Variants in TG observed in about 807,000 individuals in gnomAD.
TG encodes thyroglobulin, also known as thyroid hormones.
TG carries 270 observed loss-of-function variants against 324.7 expected under a neutral mutation model. That is an observed-to-expected ratio of 0.83 (90% CI 0.75 to 0.92). The LOEUF is 0.92. Ranked by LOEUF, TG falls within the 40% of genes least tolerant of loss-of-function variation. The probability of loss-of-function intolerance (pLI) is 0.00; values close to 1 mark genes in which losing one functional copy is unlikely to be tolerated. For synonymous variants in TG, 1,401 were observed against 1,327.0 expected (o/e 1.06, Z -1.21); for missense variants, 3,591 against 3,456.4 (o/e 1.04, Z -0.98).
intron 41 of TG, among the ~76,000 whole-genome samples, chr8:133,058,617 T>A (rs1841888652): frequency 1.3e-5 from 2 of 152,154 alleles, no homozygotes; most frequent in Admixed American, 1.3e-4. Context: ...GCAGTGGTTA[T>A]GACCAGAGGA....
intron 16 of TG, among the ~76,000 whole-genome samples, chr8:132,902,232 CT>C (rs1230794211): frequency 1.3e-5 from 2 of 152,122 alleles, no homozygotes; most frequent in Non-Finnish European, 2.9e-5. Flanking sequence ...TTGCAAAATA[CT>C]GTGCTAAATG....
chr8:133,125,193 A>G (rs531777866), intron 45 of TG, among the ~76,000 whole-genome samples: 13 of 152,360 alleles, frequency 8.5e-5, no homozygotes, highest in African/African-American at 3.1e-4. Context: ...CCTTCTTGGG[A>G]CAAAGACTAT....
intron 18 of TG, among the ~76,000 whole-genome samples, chr8:132,908,789 C>T (rs569942339): frequency 6.6e-5 from 10 of 152,120 alleles, no homozygotes; most frequent in South Asian, 6.2e-4. Flanking sequence ...TTGAGAGGGA[C>T]GCTGGTGAGA....
intron 39 of TG, among the ~76,000 whole-genome samples, chr8:133,020,043 T>A (rs888905300): frequency 1.3e-5 from 2 of 152,220 alleles, no homozygotes; most frequent in Admixed American, 1.3e-4. Flanking sequence ...ATAAATCGAT[T>A]AGTCAATCAA....
chr8:132,958,789 A>G (rs536362861), intron 27 of TG, among the ~76,000 whole-genome samples: 1 of 152,328 alleles, frequency 6.6e-6, no homozygotes, highest in East Asian at 1.9e-4. Flanking sequence ...GCTTTGAAAT[A>G]AGCAAATGAT....
At chr8:132,897,815 C>G (rs903037646) in intron 12 of TG, 29 bp downstream of exon 12, 7 of 1,613,348 alleles carry the variant, frequency 4.3e-6, no homozygotes, top group Non-Finnish European at 5.1e-6. Flanking sequence ...CTTCAGGTGG[C>G]CAAGTGACAC....
In TG at chr8:133,094,248, T is replaced by C. The variant is rs182505547; in HGVS notation, c.7240-796T>C. Among the ~76,000 whole-genome samples, 11 of 150,354 alleles carry C rather than the reference T, an allele frequency of 7.3e-5. No individual in the cohort carries two copies. In the East Asian group the frequency reaches 1.4e-3, roughly 19 times the overall value. On this transcript the variant is annotated intron_variant, in intron 41 of 47. Transcript: ENST00000220616. Reference sequence around the variant, plus strand: ...AGAAGAAACCTGTCGTTTTCTTTTTTTTTTTTTTTTTTGATGGAGTCTTGC... The same window carrying C: ...AGAAGAAACCTGTCGTTTTCTTTTTCTTTTTTTTTTTTGATGGAGTCTTGC...
Position 132,989,317 on chromosome 8 carries a change from C to G in TG, c.6262+5905C>G, listed in dbSNP as rs116064403. Among the ~76,000 whole-genome samples, 269 of 152,332 alleles carry G rather than the reference C, an allele frequency of 1.8e-3. 2 individuals are homozygous for G. Among genetic ancestry groups the G allele is most frequent in the African/African-American group, 6.3e-3 (260 of 41,580 alleles). ...TTTGGATTGAAAGCCAGGGTAAACACAGAATATTTAGGATTTTGTCCTCTC... is the reference window on the plus strand; with the variant it reads ...TTTGGATTGAAAGCCAGGGTAAACAGAGAATATTTAGGATTTTGTCCTCTC... On this transcript the variant is annotated intron_variant, in intron 35 of 47. Transcript: ENST00000220616.
intron 41 of TG, chr8:133,050,028 A>G: frequency 7.6e-7 from 1 of 1,318,246 alleles, no homozygotes; most frequent in Non-Finnish European, 1.1e-6. Context: ...GAGATAGGTA[A>G]ATAGCAAAAC....
chr8:132,963,185 A>G, intron 29 of TG, 111 bp downstream of exon 29: 2 of 1,006,428 alleles, frequency 2.0e-6, no homozygotes, highest in Non-Finnish European at 3.2e-6. Flanking sequence ...TCTATTCTGT[A>G]TCCATGGACT....
At chr8:133,024,327 T>C (rs1175457679) in intron 40 of TG, among the ~76,000 whole-genome samples, 3 of 90,582 alleles carry the variant, frequency 3.3e-5, no homozygotes, top group Non-Finnish European at 6.9e-5. Flanking sequence ...TCTTTCTTTC[T>C]TTCTTTCTTT....
intron 20 of TG, among the ~76,000 whole-genome samples, chr8:132,915,111 T>C (rs1370955910): frequency 6.6e-6 from 1 of 152,188 alleles, no homozygotes; most frequent in Non-Finnish European, 1.5e-5. Flanking sequence ...ATGTGTATGT[T>C]GTGTGTGTGC....
At chr8:132,910,341 T>C (rs763482464) in intron 18 of TG, among the ~76,000 whole-genome samples, 2 of 152,230 alleles carry the variant, frequency 1.3e-5, no homozygotes, top group South Asian at 2.1e-4. Flanking sequence ...AATTACTCAT[T>C]GGTGACAGAG....
chr8:132,917,917 C>T lies in TG; in HGVS notation c.4379-1459C>T, dbSNP rs1457403663. The stretch of plus-strand genomic sequence containing the variant: ...TTTTTTTTTTTTTTAATTGCAAAAA[C>T]CACAATTACTTTTGCGCCAGCTTAA... On this transcript the variant is annotated intron_variant, in intron 20 of 47. Transcript: ENST00000220616. Among the ~76,000 whole-genome samples the T allele has an allele frequency of 5.7e-5, 6 of 105,190 alleles. No homozygotes were observed. The South Asian group carries it at 2.0e-3, about 35-fold the overall frequency. 69.0% of individuals were successfully genotyped at this position (105,190 alleles called of 152,430 possible).
chr8:132,912,924 C>A, intron 19 of TG, 123 bp from the exon 20 acceptor site: 1 of 935,454 alleles, frequency 1.1e-6, no homozygotes. Context: ...TAAAATGAGA[C>A]ACCACATGAT....
chr8:132,885,750 C>T (rs1434125859), intron 8 of TG, among the ~76,000 whole-genome samples: 3 of 152,186 alleles, frequency 2.0e-5, no homozygotes, highest in African/African-American at 7.2e-5. Context: ...TTTATTCCCT[C>T]CTAGTTCTGG....
chr8:133,133,746 C>A, intron 47 of TG, 86 bp downstream of exon 47: 1 of 1,471,320 alleles, frequency 6.8e-7, no homozygotes, highest in Non-Finnish European at 9.3e-7. Context: ...GTGCTGCGCG[C>A]GCATTGGAGC....
Position 133,022,298 on chromosome 8 carries a change from C to T in TG, c.7036+148C>T, listed in dbSNP as rs532968354. On this transcript the variant is annotated intron_variant, in intron 40 of 47. Transcript: ENST00000220616. ...ATTTTAGCACATATGGGAGACCCTC[C>T]GGGGATACTGACACCCATAGACAAG... 1.0e-4 allele frequency: 101 copies of T among 1,003,140 alleles called. No individual in the cohort carries two copies. In the Admixed American group the frequency reaches 1.4e-3, roughly 14 times the overall value. 62.1% of individuals were successfully genotyped at this position (1,003,140 alleles called of 1,614,324 possible).
At chr8:133,037,416 T>A (rs1837293128) in intron 41 of TG, 2 of 152,218 alleles carry the variant, frequency 1.3e-5, no homozygotes, top group South Asian at 4.1e-4. Context: ...TTCTTTAGAC[T>A]GTATCCATTT....
Sources: allele counts gnomAD v4.1 joint callset (sites outside exome capture counted in the v4.1 genomes callset), GRCh38; gene constraint gnomAD v4.1.1; transcripts MANE v1.5; gene names NCBI Gene and HGNC (gene_info 2026-07-23, HGNC 2026-07-21).